GLI3: variants seen among roughly 807,000 people sequenced by gnomAD.
GLI3 encodes the protein transcription activator GLI3.
A neutral mutation model predicts 100.8 loss-of-function variants in GLI3; 20 were observed. The observed-to-expected ratio is 0.20, with a 90% confidence interval of 0.14 to 0.29. The LOEUF is 0.29. Among genes scored for constraint, GLI3 ranks in the 10% least tolerant of loss-of-function variants. The pLI is 1.00. For missense variants in GLI3, 2,040 were observed against 2,128.5 expected (o/e 0.96, Z 0.82); for synonymous variants, 938 against 860.5 (o/e 1.09, Z -1.58).
At chr7:42,229,173 C>T (rs1209609758) in intron 1 of GLI3, among the ~76,000 whole-genome samples, 1 of 152,240 alleles carries the variant, frequency 6.6e-6, no homozygotes, top group Non-Finnish European at 1.5e-5. Context: ...CCTCCCTGAA[C>T]AGCAGACTAC....
chr7:42,026,165 A>T (rs1789105652), intron 8 of GLI3, 34 bp downstream of exon 8: 1 of 1,518,770 alleles, frequency 6.6e-7, no homozygotes. Context: ...TCGGCTGACC[A>T]GCACGGCCGG....
At chr7:42,121,742 G>C (rs1029260266) in intron 3 of GLI3, among the ~76,000 whole-genome samples, 2 of 152,076 alleles carry the variant, frequency 1.3e-5, no homozygotes, top group African/African-American at 4.8e-5. Flanking sequence ...CCCTCCATCA[G>C]GAGTGCACCC....
chr7:42,071,315 G>A (rs1212871072), intron 4 of GLI3, among the ~76,000 whole-genome samples: 1 of 152,012 alleles, frequency 6.6e-6, no homozygotes, highest in African/African-American at 2.4e-5. Flanking sequence ...TAATGTTATG[G>A]TAAAGCACAA....
chr7:42,103,928 G>A (rs1228820519), intron 3 of GLI3, among the ~76,000 whole-genome samples: 1 of 152,176 alleles, frequency 6.6e-6, no homozygotes, highest in Non-Finnish European at 1.5e-5. Context: ...AAAGAAGTGA[G>A]AACAATAGTA....
At chr7:42,253,863 C>T (rs979514779) in intron 1 of GLI3, among the ~76,000 whole-genome samples, 3 of 152,082 alleles carry the variant, frequency 2.0e-5, no homozygotes, top group South Asian at 2.1e-4. Context: ...AGATCTTTAC[C>T]CTCCAAGTCT....
At chr7:42,164,212 T>C (rs1257955202) in intron 2 of GLI3, among the ~76,000 whole-genome samples, 1 of 152,180 alleles carries the variant, frequency 6.6e-6, no homozygotes, top group African/African-American at 2.4e-5. Flanking sequence ...TATATTCCCG[T>C]GTTGAAATCT....
chr7:42,026,303 G>C lies in GLI3; in HGVS notation c.1138C>G (p.Leu380Val). Residue 380 changes from leucine to valine, a missense_variant, in exon 8 of 15, where the codon CTC becomes GTC. Physicochemically the swap from Leu to Val is conservative, Grantham distance 32. Coordinates refer to ENST00000395925, the MANE Select transcript of GLI3 (RefSeq NM_000168.6). ...GGAAAAGTTGGGGCAGGGTGGATGA[G>C]TGGAGGGCTGTGTCCAAAGGCTGAA... ...LGSAFGHSPP[L>V]IHPAPTFPTQ... The C allele has an allele frequency of 1.9e-6, 3 of 1,614,122 alleles. No homozygotes were observed. The highest frequency in any genetic ancestry group is 2.5e-6 in the Non-Finnish European group (3 of 1,179,968).
At chr7:42,126,868 G>A (rs1437351672) in intron 3 of GLI3, among the ~76,000 whole-genome samples, 1 of 152,106 alleles carries the variant, frequency 6.6e-6, no homozygotes, top group Non-Finnish European at 1.5e-5. Context: ...CAGCCTAAAG[G>A]GCTGGGAAGC....
At chr7:42,081,491 G>A (rs1019534137) in intron 3 of GLI3, among the ~76,000 whole-genome samples, 1 of 152,084 alleles carries the variant, frequency 6.6e-6, no homozygotes, top group African/African-American at 2.4e-5. Flanking sequence ...ATTTGTGCTG[G>A]GTAGAGTTGT....
At chr7:42,020,758 C>T (rs1411301576) in intron 10 of GLI3, among the ~76,000 whole-genome samples, 2 of 151,932 alleles carry the variant, frequency 1.3e-5, no homozygotes, top group African/African-American at 2.4e-5. Flanking sequence ...GGCGTGGTAG[C>T]GGGCGCCTGT....
At chr7:42,233,936 C>T (rs1221557601) in intron 1 of GLI3, among the ~76,000 whole-genome samples, 2 of 152,140 alleles carry the variant, frequency 1.3e-5, no homozygotes, top group African/African-American at 4.8e-5. Flanking sequence ...AATTGCCTCT[C>T]ATGATATAAG....
intron 1 of GLI3, among the ~76,000 whole-genome samples, chr7:42,234,665 A>G (rs1326258051): frequency 2.0e-5 from 3 of 152,150 alleles, no homozygotes; most frequent in Admixed American, 6.5e-5. Context: ...CTACCAGCCT[A>G]CTAACAATAA....
At chr7:42,228,063 CCGA>C (rs1788617693) in intron 1 of GLI3, among the ~76,000 whole-genome samples, 2 of 152,186 alleles carry the variant, frequency 1.3e-5, no homozygotes, top group African/African-American at 4.8e-5. Flanking sequence ...CGTCCCCTGC[CCGA>C]GGTCCCAGGC....
At chr7:42,162,303 C>G (rs944380300) in intron 2 of GLI3, among the ~76,000 whole-genome samples, 1 of 152,180 alleles carries the variant, frequency 6.6e-6, no homozygotes, top group African/African-American at 2.4e-5. Context: ...AACCCAACCC[C>G]TCAGGGATAG....
chr7:42,157,410 T>C (rs1402450543), intron 2 of GLI3, among the ~76,000 whole-genome samples: 3 of 152,138 alleles, frequency 2.0e-5, no homozygotes, highest in Non-Finnish European at 4.4e-5. Context: ...AAATTTCACC[T>C]CTCACAAAGC....
chr7:42,029,546 C>A (rs1209195813), intron 7 of GLI3, among the ~76,000 whole-genome samples: 1 of 152,142 alleles, frequency 6.6e-6, no homozygotes, highest in African/African-American at 2.4e-5. Flanking sequence ...AAAACCTGAG[C>A]CACCACAGCC....
intron 6 of GLI3, among the ~76,000 whole-genome samples, chr7:42,044,406 C>T (rs897238742): frequency 6.6e-6 from 1 of 152,132 alleles, no homozygotes; most frequent in Non-Finnish European, 1.5e-5. Context: ...GAGATGAGCG[C>T]TCTGGAATGC....
intron 2 of GLI3, among the ~76,000 whole-genome samples, chr7:42,171,073 T>C (rs144542093): frequency 6.2e-4 from 94 of 152,362 alleles, no homozygotes; most frequent in African/African-American, 2.2e-3. Context: ...CTTCTGACTC[T>C]ATACAGCTCT....
At chr7:42,228,332 G>T (rs1030579928) in intron 1 of GLI3, among the ~76,000 whole-genome samples, 3 of 152,130 alleles carry the variant, frequency 2.0e-5, no homozygotes, top group Non-Finnish European at 4.4e-5. Context: ...GCTGGCTTTG[G>T]GAGACAATGC....
Sources: gnomAD v4.1 joint callset for allele counts (sites outside exome capture counted in the v4.1 genomes callset) on GRCh38, gnomAD v4.1.1 for gene constraint, MANE v1.5 for transcripts, NCBI Gene and HGNC (gene_info 2026-07-23, HGNC 2026-07-21) for gene names.